CYFIP1: variants seen among roughly 807,000 people sequenced by gnomAD.
The protein encoded by CYFIP1 is cytoplasmic FMR1-interacting protein 1.
Under a neutral mutation model 163.5 loss-of-function variants are expected in CYFIP1, and 58 were observed. The ratio of observed to expected loss-of-function variants is 0.35; its 90% CI spans 0.29 to 0.44. CYFIP1 has a LOEUF of 0.44. CYFIP1 is among the 20% of genes least tolerant of loss of function. The pLI, the probability that CYFIP1 is intolerant of heterozygous loss-of-function variation, is 1.00. For missense variants in CYFIP1, 1,338 were observed against 1,653.8 expected, an observed-to-expected ratio of 0.81 and a Z score of 3.31; for synonymous variants, 663 against 660.7, an observed-to-expected ratio of 1.00 and a Z score of -0.05.
intron 1 of CYFIP1, among the ~76,000 whole-genome samples, chr15:22,977,610 C>T (rs1023684882): frequency 1.3e-5 from 2 of 152,112 alleles, no homozygotes; most frequent in African/African-American, 2.4e-5. Context: ...GTGGGTGGAT[C>T]ACCTGAGGTC....
intron 6 of CYFIP1, among the ~76,000 whole-genome samples, chr15:22,942,965 T>C (rs2061939206): frequency 6.6e-6 from 1 of 152,232 alleles, no homozygotes; most frequent in South Asian, 2.1e-4. Flanking sequence ...GCTCTAGCTG[T>C]GCAAAGCCAC....
intron 28 of CYFIP1, 46 bp downstream of exon 28, chr15:22,874,504 T>G: frequency 6.8e-7 from 1 of 1,469,482 alleles, no homozygotes; most frequent in Non-Finnish European, 9.2e-7. Flanking sequence ...TGGCCTGGCA[T>G]GGATGCCCAG....
intron 1 of CYFIP1, among the ~76,000 whole-genome samples, chr15:22,978,352 C>CAAA (rs397976366): frequency 0.018 from 933 of 52,750 alleles, 90 homozygotes; most frequent in Middle Eastern, 0.038. Context: ...GACTCTGTCA[C>CAAA]AAAAAAAAAA....
chr15:22,947,281 G>T lies in CYFIP1; in HGVS notation c.5C>A (p.Ala2Glu). The change falls in exon 2 of 31, where the codon GCG (alanine) becomes GAG (glutamate). Residue 2 changes from alanine to glutamate, a missense_variant. Physicochemically the swap from Ala to Glu is moderately radical, Grantham distance 107 (BLOSUM62 -1). This residue lies in a region of CYFIP1 where 186 missense variants were observed against 288.3 expected (regional missense o/e 0.65). Coordinates refer to ENST00000617928, the MANE Select transcript of CYFIP1 (RefSeq NM_014608.6). ...CGCGTCCTCCAGAGTCACCTGGGCC[G>T]CCATCCTGGGCTGGAACAACACATA... M[A>E]AQVTLEDALS... The T allele has an allele frequency of 1.2e-6, 2 of 1,613,542 alleles. No homozygotes were observed. Among genetic ancestry groups the T allele is most frequent in the Non-Finnish European group, 8.5e-7 (1 of 1,179,712 alleles).
At chr15:22,963,531 T>TAACATAACATAACATAACATAA (rs2062773090) in intron 1 of CYFIP1, among the ~76,000 whole-genome samples, 4 of 144,608 alleles carry the variant, frequency 2.8e-5, no homozygotes, top group Non-Finnish European at 6.1e-5. Context: ...TAACATAACA[T>TAACATAACATAACATAACATAA]AACATAACAT....
At position 22,873,555 on chromosome 15, in the gene CYFIP1, T is replaced by C; in HGVS notation, c.3385A>G (p.Arg1129Gly). Residue 1129 changes from arginine to glycine, a missense_variant, in exon 29 of 31, where the codon AGA becomes GGA. Arg to Gly is a moderately radical substitution (Grantham distance 125, BLOSUM62 -2). Around this residue, in one of 4 missense-constraint regions of CYFIP1, gnomAD observed 306 missense variants for 322.1 expected, o/e 0.95. Coordinates refer to ENST00000617928, the MANE Select transcript of CYFIP1 (RefSeq NM_014608.6). ...MHVDECVEFHRLWSAMQFVYC... is the reference protein window; with the variant it reads ...MHVDECVEFHGLWSAMQFVYC... ...ACAAACTGCATGGCACTCCACAGTC[T>C]GTGAAACTCCACACACTCGTCCACA... The C allele has an allele frequency of 6.2e-7, 1 of 1,614,220 alleles. No homozygotes were observed. The highest frequency in any genetic ancestry group is 8.5e-7 in the Non-Finnish European group (1 of 1,180,028).
chr15:22,920,297 T>C (rs1329526820), intron 13 of CYFIP1, among the ~76,000 whole-genome samples: 3 of 150,158 alleles, frequency 2.0e-5, no homozygotes, highest in African/African-American at 7.3e-5. Context: ...CCTGGGTAAC[T>C]AGTTCTATAA....
chr15:22,867,512 G>A lies in CYFIP1; in HGVS notation c.*2516C>T. 3.6e-6 allele frequency: 1 copy of A among 273,986 alleles called. No homozygotes were observed. Among genetic ancestry groups the A allele is most frequent in the Non-Finnish European group, 6.7e-6 (1 of 148,570 alleles). 17.0% of individuals were successfully genotyped at this position (273,986 alleles called of 1,614,324 possible). A position where few individuals can be genotyped will look rare whatever the true frequency, so the allele number is the denominator to read the frequency against. The stretch of plus-strand genomic sequence containing the variant: ...CTCATCAAGCCAGCACATCCTGCCT[G>A]CTGTTGCAGCCTGGCTGGGTTTATT... On this transcript the variant is annotated 3_prime_UTR_variant, in exon 31 of 31. Coordinates refer to ENST00000617928, the MANE Select transcript of CYFIP1 (RefSeq NM_014608.6).
In CYFIP1 at chr15:22,958,617, G is replaced by C. The variant is rs144950098; in HGVS notation, c.-6-11326C>G. 2.6e-5 allele frequency among the ~76,000 whole-genome samples: 4 copies of C among 152,286 alleles called. No homozygotes were observed. The East Asian group carries it at 7.7e-4, about 29-fold the overall frequency. ...TTCGGCCAGGGTCAGGCTGCCTCTG[G>C]GAGGGGTCTCCCAAGACCAAGTGGT... On this transcript the variant is annotated intron_variant, in intron 1 of 30. Coordinates refer to ENST00000617928, the MANE Select transcript of CYFIP1 (RefSeq NM_014608.6).
intron 21 of CYFIP1, 68 bp downstream of exon 21, chr15:22,909,126 A>G: frequency 1.3e-6 from 2 of 1,594,120 alleles, no homozygotes; most frequent in South Asian, 2.2e-5. Context: ...CATCTCTTTT[A>G]TCATCTATAC....
chr15:22,937,007 T>G (rs2061731092), intron 9 of CYFIP1, 97 bp downstream of exon 9: 2 of 815,384 alleles, frequency 2.5e-6, no homozygotes, highest in Admixed American at 2.0e-5. Context: ...CCCCAGCGTT[T>G]CCTGATATAG....
intron 28 of CYFIP1, 101 bp downstream of exon 28, chr15:22,874,449 C>G: frequency 2.4e-6 from 2 of 816,570 alleles, no homozygotes; most frequent in Non-Finnish European, 3.8e-6. Flanking sequence ...CACGCAGCCG[C>G]TGGACTTCAC....
intron 10 of CYFIP1, among the ~76,000 whole-genome samples, chr15:22,933,019 A>G (rs992734921): frequency 6.6e-6 from 1 of 151,886 alleles, no homozygotes; most frequent in African/African-American, 2.4e-5. Context: ...TTTTTCATAC[A>G]GTCAAGGTCT....
chr15:22,937,401 G>C (rs758147385), intron 8 of CYFIP1, among the ~76,000 whole-genome samples, 193 bp from the exon 9 acceptor site: 1 of 152,126 alleles, frequency 6.6e-6, no homozygotes, highest in Non-Finnish European at 1.5e-5. Flanking sequence ...GATACAAAGC[G>C]GGGCTGGGCT....
intron 23 of CYFIP1, among the ~76,000 whole-genome samples, chr15:22,886,632 T>C (rs1300663636): frequency 6.6e-6 from 1 of 152,142 alleles, no homozygotes; most frequent in Non-Finnish European, 1.5e-5. Flanking sequence ...GAGTTCATTG[T>C]AGTTGGAGAA....
At chr15:22,955,102 C>T (rs1329375304) in intron 1 of CYFIP1, among the ~76,000 whole-genome samples, 1 of 152,224 alleles carries the variant, frequency 6.6e-6, no homozygotes, top group African/African-American at 2.4e-5. Flanking sequence ...CCAGTGCCAC[C>T]CACTTGAAGG....
intron 23 of CYFIP1, among the ~76,000 whole-genome samples, chr15:22,890,398 T>C (rs2060043731): frequency 6.6e-6 from 1 of 152,040 alleles, no homozygotes; most frequent in Admixed American, 6.5e-5. Flanking sequence ...GGTGAATTCT[T>C]AACCACTCAC....
In CYFIP1 at chr15:22,932,848, G is replaced by A. The variant is rs899917320; in HGVS notation, c.993-508C>T. ...CTGTCAGTCTCTTCTTTTTTTCTTT[G>A]AGGTAGGGTCTTGCTCTCTTGCCCA... is the stretch of plus-strand genomic sequence containing the variant. On this transcript the variant is annotated intron_variant, in intron 10 of 30. Coordinates refer to ENST00000617928, the MANE Select transcript of CYFIP1 (RefSeq NM_014608.6). Among the ~76,000 whole-genome samples the A allele has an allele frequency of 3.3e-5, 5 of 151,798 alleles. No individual in the cohort carries two copies. The East Asian group carries it at 5.8e-4, about 18-fold the overall frequency.
rs570501895 is a variant in CYFIP1 at position 22,901,202 on chromosome 15, CA to C, written c.2588+2503del. Among the ~76,000 whole-genome samples the C allele has an allele frequency of 4.3e-4, 60 of 138,804 alleles. 3 individuals carry two copies. The South Asian group carries it at 0.01, about 24-fold the overall frequency. The allele number at this position is 138,804 out of a possible 152,430, so 91.1% of individuals were successfully genotyped here. On this transcript the variant is annotated intron_variant, in intron 22 of 30. Coordinates refer to ENST00000617928, the MANE Select transcript of CYFIP1 (RefSeq NM_014608.6). ...TGGGCAACAGAGTAAGACTCTGTCA[CA>C]AAAAAACAAAAAAAAAAACCAAAAA...
Sources: allele counts gnomAD v4.1 joint callset (sites outside exome capture counted in the v4.1 genomes callset), GRCh38; gene constraint gnomAD v4.1.1; regional missense constraint gnomAD v4.1.1; transcripts MANE v1.5; gene names NCBI Gene and HGNC (gene_info 2026-07-23, HGNC 2026-07-21).